Variants in TNS1 observed in about 807,000 individuals in gnomAD.
TNS1 encodes the protein tensin 1, also known as tensin-1.
Under a neutral mutation model 168.6 loss-of-function variants are expected in TNS1, and 62 were observed. The ratio of observed to expected loss-of-function variants is 0.37; its 90% CI spans 0.30 to 0.45. The LOEUF (loss-of-function observed/expected upper bound fraction) is 0.45. Among genes scored for constraint, TNS1 ranks in the 20% least tolerant of loss-of-function variants. The pLI is 1.00. For synonymous variants in TNS1, 934 were observed against 933.2 expected (o/e 1.00, Z -0.02); for missense variants, 2,240 against 2,339.4 (o/e 0.96, Z 0.88).
At chr2:217,829,254 G>A (rs1367701459) in intron 22 of TNS1, among the ~76,000 whole-genome samples, 1 of 151,514 alleles carries the variant, frequency 6.6e-6, no homozygotes, top group Non-Finnish European at 1.5e-5. Flanking sequence ...GCGTGGTGGT[G>A]CATGCCTGTA....
chr2:217,979,528 G>GACACACACACACACACAC lies in TNS1; in HGVS notation c.149-744_149-727dup, dbSNP rs35499293. Among the ~76,000 whole-genome samples, 15 of 146,784 alleles carry GACACACACACACACACAC rather than the reference G, an allele frequency of 1.0e-4. No homozygotes were observed. The South Asian group carries it at 2.4e-3, about 23-fold the overall frequency. Reference sequence around the variant, plus strand: ...TCATGTGCATGACTTGAAACACACAGACACACACACACACACACACACACA... The same window carrying GACACACACACACACACAC: ...TCATGTGCATGACTTGAAACACACAGACACACACACACACACACACACACACACACACACACACACACA... On this transcript the variant is annotated intron_variant, in intron 2 of 32. Coordinates refer to ENST00000682258, the MANE Select transcript of TNS1 (RefSeq NM_001387777.1).
At chr2:217,951,040 C>T (rs1957229090) in intron 3 of TNS1, among the ~76,000 whole-genome samples, 1 of 152,178 alleles carries the variant, frequency 6.6e-6, no homozygotes, top group African/African-American at 2.4e-5. Context: ...GGATCCACCC[C>T]TATAGAAAAT....
chr2:217,915,527 G>C (rs1954910152), intron 4 of TNS1, among the ~76,000 whole-genome samples: 3 of 152,200 alleles, frequency 2.0e-5, no homozygotes, highest in Non-Finnish European at 4.4e-5. Flanking sequence ...CTAAGCCCAG[G>C]GGGTAGGTGC....
chr2:217,900,681 C>T (rs1430326516), intron 6 of TNS1, 169 bp from the exon 7 acceptor site: 2 of 694,716 alleles, frequency 2.9e-6, no homozygotes, highest in Non-Finnish European at 4.9e-6. Flanking sequence ...GAAGCCAAAG[C>T]CATCAACACT....
intron 4 of TNS1, among the ~76,000 whole-genome samples, chr2:217,910,819 A>T (rs1228191815): frequency 1.3e-5 from 2 of 150,912 alleles, no homozygotes; most frequent in African/African-American, 4.9e-5. Flanking sequence ...TTAAGACATC[A>T]TCTCCTCCAT....
At chr2:217,942,694 C>T (rs1156534327) in intron 3 of TNS1, among the ~76,000 whole-genome samples, 1 of 152,126 alleles carries the variant, frequency 6.6e-6, no homozygotes, top group African/African-American at 2.4e-5. Flanking sequence ...GCTGGGACTT[C>T]CAGAAGAGAA....
rs1261632481 is a variant in TNS1, at chr2:217,851,845, A to G, written c.1430-2758T>C. On this transcript the variant is annotated intron_variant, in intron 18 of 32. Transcript: ENST00000682258. Reference sequence around the variant, plus strand: ...CAAAGAACTGAGCTCCTTGCTACACATAAAAGAAGAGACCTCAGCCTGGCA... The same window carrying G: ...CAAAGAACTGAGCTCCTTGCTACACGTAAAAGAAGAGACCTCAGCCTGGCA... Among the ~76,000 whole-genome samples the G allele has an allele frequency of 2.0e-5, 3 of 152,232 alleles. No individual in the cohort carries two copies. The East Asian group carries it at 5.8e-4, about 30-fold the overall frequency.
intron 3 of TNS1, among the ~76,000 whole-genome samples, chr2:217,941,169 G>A (rs1956890583): frequency 1.3e-5 from 2 of 152,216 alleles, no homozygotes; most frequent in Admixed American, 1.3e-4. Context: ...ACTATCTCCA[G>A]GCTGGCTAGG....
intron 17 of TNS1, chr2:217,881,229 C>A: frequency 1.8e-6 from 1 of 562,582 alleles, no homozygotes; most frequent in Admixed American, 3.2e-5. Flanking sequence ...AGGCTCATGC[C>A]GGGTCATAGG....
chr2:217,871,420 A>G (rs1949764998), intron 18 of TNS1, among the ~76,000 whole-genome samples: 1 of 152,118 alleles, frequency 6.6e-6, no homozygotes, highest in African/African-American at 2.4e-5. Context: ...CAGCACCCAC[A>G]TGTAGAAACT....
At chr2:217,940,532 CTT>C (rs1421904682) in intron 3 of TNS1, among the ~76,000 whole-genome samples, 1 of 152,244 alleles carries the variant, frequency 6.6e-6, no homozygotes, top group Non-Finnish European at 1.5e-5. Flanking sequence ...CACTGAGTCT[CTT>C]TCAAACCCCA....
At chr2:217,903,485 C>A (rs1037104822) in intron 6 of TNS1, 19 of 1,369,634 alleles carry the variant, frequency 1.4e-5, no homozygotes, top group Non-Finnish European at 1.6e-5. Flanking sequence ...CCGGGGATCA[C>A]AAATCACCTT....
intron 2 of TNS1, among the ~76,000 whole-genome samples, chr2:217,983,396 C>G (rs1958106630): frequency 6.6e-6 from 1 of 152,180 alleles, no homozygotes; most frequent in Non-Finnish European, 1.5e-5. Flanking sequence ...CCCAGGAGCC[C>G]TATCTCTGCC....
At chr2:217,996,482 C>T (rs776049869) in intron 1 of TNS1, among the ~76,000 whole-genome samples, 101 of 152,216 alleles carry the variant, frequency 6.6e-4, no homozygotes, top group Non-Finnish European at 1.4e-3. Flanking sequence ...AACCCCACTT[C>T]ACCTTTACAC....
chr2:217,959,998 C>CAGG (rs897903457), intron 3 of TNS1, among the ~76,000 whole-genome samples: 2 of 151,962 alleles, frequency 1.3e-5, no homozygotes, highest in Middle Eastern at 3.4e-3. Flanking sequence ...AGGAAGCCGG[C>CAGG]AGGAGGAGGA....
At chr2:217,809,584 C>CATGGATGG (rs1257065679) in intron 30 of TNS1, 1 of 66,270 alleles carries the variant, frequency 1.5e-5, no homozygotes, top group Non-Finnish European at 2.9e-5. Context: ...TGGATAGGTG[C>CATGGATGG]ATGGATGGAT....
At chr2:217,963,828 G>A (rs999156478) in intron 3 of TNS1, among the ~76,000 whole-genome samples, 1 of 148,370 alleles carries the variant, frequency 6.7e-6, no homozygotes, top group Non-Finnish European at 1.5e-5. Flanking sequence ...AAGATTGCCT[G>A]AGCTCAGGAG....
At chr2:217,953,595 TGGCAGTTCCA>T (rs1957291952) in intron 3 of TNS1, among the ~76,000 whole-genome samples, 1 of 152,182 alleles carries the variant, frequency 6.6e-6, no homozygotes, top group Non-Finnish European at 1.5e-5. Flanking sequence ...TGGGGGACCC[TGGCAGTTCCA>T]CTTGCCTTTG....
intron 3 of TNS1, among the ~76,000 whole-genome samples, chr2:217,955,221 G>T (rs72951947): frequency 2.4e-4 from 37 of 152,214 alleles, no homozygotes; most frequent in East Asian, 5.8e-4. Context: ...TTCCACGCCC[G>T]CAGTGCCAAC....
Sources: gnomAD v4.1 joint callset for allele counts (sites outside exome capture counted in the v4.1 genomes callset) on GRCh38, gnomAD v4.1.1 for gene constraint, MANE v1.5 for transcripts, NCBI Gene and HGNC (gene_info 2026-07-23, HGNC 2026-07-21) for gene names.